DIPK1A: variants seen among roughly 807,000 people sequenced by gnomAD.
DIPK1A encodes divergent protein kinase domain 1A.
In DIPK1A, 27 loss-of-function variants were observed where a neutral mutation model predicts 40.8. The observed-to-expected ratio is 0.66, with a 90% CI of 0.49 to 0.91. The LOEUF is 0.91. Among genes scored for constraint, DIPK1A ranks in the 40% least tolerant of loss-of-function variants. The pLI is 0.00. For missense variants in DIPK1A, 412 were observed against 505.7 expected (o/e 0.81, Z 1.78); for synonymous variants, 166 against 171.3 (o/e 0.97, Z 0.24).
chr1:92,840,623 G>A (rs1187773502), downstream of DIPK1A: 5 of 1,609,714 alleles, frequency 3.1e-6, no homozygotes, highest in African/African-American at 6.7e-5. Flanking sequence ...GCCCAAGAAA[G>A]AAGTTAAAAA....
chr1:92,914,319 G>T (rs995882672), intron 1 of DIPK1A, among the ~76,000 whole-genome samples: 1 of 152,046 alleles, frequency 6.6e-6, no homozygotes, highest in Admixed American at 6.5e-5. Context: ...GGTTGTCTTT[G>T]TATTATCAAC....
intron 2 of DIPK1A, among the ~76,000 whole-genome samples, chr1:92,862,378 C>G (rs1647320367): frequency 6.6e-6 from 1 of 152,206 alleles, no homozygotes; most frequent in South Asian, 2.1e-4. Flanking sequence ...CACCTAGGCA[C>G]CGAGGGAGGA....
At chr1:92,933,085 T>C (rs752561751) in intron 1 of DIPK1A, 1 of 152,008 alleles carries the variant, frequency 6.6e-6, no homozygotes, top group Non-Finnish European at 1.5e-5. Flanking sequence ...TTTAAATTGC[T>C]CTAAAAATTA....
At position 92,940,223 on chromosome 1, in the gene DIPK1A, C is replaced by T. The variant is rs956681489; in HGVS notation, c.54+21153G>A. The stretch of plus-strand genomic sequence containing the variant: ...GGGAGTAGAGATGAGTGTCCGACAT[C>T]ACTCTGCCCTACCCAACACAGACTG... On this transcript the variant is annotated intron_variant, in intron 1 of 4. Transcript: ENST00000370310. Among the ~76,000 whole-genome samples, 17 of 152,122 alleles carry T rather than the reference C, an allele frequency of 1.1e-4. 1 individual carries two copies. Among genetic ancestry groups the T allele is most frequent in the Admixed American group, 9.2e-4 (14 of 15,268 alleles).
At chr1:92,891,707 A>C (rs1571096835) in intron 1 of DIPK1A, among the ~76,000 whole-genome samples, 1 of 152,132 alleles carries the variant, frequency 6.6e-6, no homozygotes, top group African/African-American at 2.4e-5. Context: ...AAGCAGGGTG[A>C]GGCATTGCCT....
downstream of DIPK1A, chr1:92,841,738 A>G: frequency 6.7e-7 from 1 of 1,485,500 alleles, no homozygotes; most frequent in Non-Finnish European, 9.3e-7. Context: ...GTTATAGTTT[A>G]AAAAATATAT....
At chr1:92,851,036 G>A in intron 2 of DIPK1A, 81 bp from the exon 3 acceptor site, 1 of 882,336 alleles carries the variant, frequency 1.1e-6, no homozygotes, top group Non-Finnish European at 1.8e-6. Flanking sequence ...TATCCTTTAT[G>A]AGTAAGTTCT....
chr1:92,841,734 G>GT, downstream of DIPK1A: 1 of 1,437,784 alleles, frequency 7.0e-7, no homozygotes, highest in South Asian at 1.2e-5. Context: ...TTCAGTTATA[G>GT]TTTAAAAAAT....
chr1:92,961,267 C>T, intron 1 of DIPK1A, 109 bp downstream of exon 1: 6 of 662,576 alleles, frequency 9.1e-6, no homozygotes, highest in Non-Finnish European at 1.1e-5. Context: ...GGGGTTCGGG[C>T]GGGCACAGAC....
At chr1:92,900,674 G>A (rs1198765268) in intron 1 of DIPK1A, among the ~76,000 whole-genome samples, 2 of 152,130 alleles carry the variant, frequency 1.3e-5, no homozygotes, top group African/African-American at 4.8e-5. Context: ...TTTCCAAATT[G>A]CAGCCCTACC....
intron 4 of DIPK1A, chr1:92,836,501 GCTGTATGCCTA>G: frequency 1.0e-6 from 1 of 968,116 alleles, no homozygotes; most frequent in Non-Finnish European, 1.6e-6. Flanking sequence ...TTGAATGCCT[GCTGTATGCCTA>G]GGTACCATGC....
downstream of DIPK1A, chr1:92,837,806 C>A: frequency 8.0e-6 from 5 of 627,806 alleles, no homozygotes; most frequent in South Asian, 7.7e-5. Context: ...AGACTTCAAG[C>A]ATCTGAAGAT....
At chr1:92,935,208 C>T (rs1395477498) in intron 1 of DIPK1A, among the ~76,000 whole-genome samples, 3 of 152,172 alleles carry the variant, frequency 2.0e-5, no homozygotes, top group Non-Finnish European at 4.4e-5. Context: ...TTGAGCAACA[C>T]TACTGTCTAA....
chr1:92,909,664 T>G (rs1224831879), intron 1 of DIPK1A, among the ~76,000 whole-genome samples: 1 of 152,192 alleles, frequency 6.6e-6, no homozygotes, highest in East Asian at 1.9e-4. Flanking sequence ...AGCGAAGATG[T>G]TCTGATTATT....
intron 1 of DIPK1A, among the ~76,000 whole-genome samples, chr1:92,945,290 A>G (rs1439330756): frequency 6.6e-6 from 1 of 152,154 alleles, no homozygotes; most frequent in Non-Finnish European, 1.5e-5. Context: ...CCCTGCAAAA[A>G]TTTTTAAAAA....
At chr1:92,914,366 C>T (rs573862556) in intron 1 of DIPK1A, among the ~76,000 whole-genome samples, 1 of 152,098 alleles carries the variant, frequency 6.6e-6, no homozygotes, top group Admixed American at 6.6e-5. Context: ...TTCTTTTATA[C>T]GAGCTTCCCC....
downstream of DIPK1A, chr1:92,837,885 T>C: frequency 2.0e-6 from 1 of 511,026 alleles, no homozygotes; most frequent in Non-Finnish European, 3.5e-6. Context: ...AGTTGTAATC[T>C]GCTTTGTTGG....
intron 1 of DIPK1A, among the ~76,000 whole-genome samples, chr1:92,916,032 G>A (rs536303923): frequency 1.3e-5 from 2 of 152,278 alleles, no homozygotes; most frequent in Admixed American, 6.5e-5. Context: ...CATACTGTAT[G>A]ATTCCATTTA....
chr1:92,911,912 A>G (rs1039324781), intron 1 of DIPK1A, among the ~76,000 whole-genome samples: 2 of 150,410 alleles, frequency 1.3e-5, no homozygotes, highest in African/African-American at 4.9e-5. Context: ...GCTAAGGCAC[A>G]AGAATCACTT....
Sources: gnomAD v4.1 joint callset for allele counts (sites outside exome capture counted in the v4.1 genomes callset) on GRCh38, gnomAD v4.1.1 for gene constraint, MANE v1.5 for transcripts, NCBI Gene and HGNC (gene_info 2026-07-23, HGNC 2026-07-21) for gene names.